The following BCAS3 variants were observed in gnomAD, a reference collection of about 807,000 sequenced individuals.
The protein encoded by BCAS3 is BCAS4/BCAS3 fusion.
In BCAS3, 53 loss-of-function variants were observed where a neutral mutation model predicts 116.1. The ratio of observed to expected loss-of-function variants is 0.46; its 90% CI spans 0.37 to 0.57. The LOEUF is 0.57. Among genes scored for constraint, BCAS3 ranks in the 20% least tolerant of loss-of-function variants. The pLI, the probability that BCAS3 is intolerant of heterozygous loss-of-function variation, is 0.00. For missense variants in BCAS3, 917 were observed against 1,165.4 expected (o/e 0.79, Z 3.10); for synonymous variants, 391 against 408.2 (o/e 0.96, Z 0.51).
chr17:61,368,436 G>T lies in BCAS3; in HGVS notation c.2535G>T (p.Glu845Asp), dbSNP rs376089700. Residue 845 changes from glutamate to aspartate, a missense_variant, in exon 23 of 24, where the codon GAG becomes GAT. By Grantham distance (45) the Glu-to-Asp change is conservative. Around this residue, in one of 3 missense-constraint regions of BCAS3, gnomAD observed 109 missense variants for 122.8 expected, o/e 0.89. Coordinates refer to ENST00000407086, the MANE Select transcript of BCAS3 (RefSeq NM_017679.5). The surrounding 1 kb of genome is among the most constrained non-coding windows in gnomAD (Gnocchi z 6.0). Reference protein sequence around the residue: ...SMEHTEEGLRERLADAMAESP... With the variant: ...SMEHTEEGLRDRLADAMAESP... ...AGCACACGGAGGAGGGCCTCCGGGAGCGACTTGCCGACGCCATGGCCGAGT... is the reference window on the plus strand; with the variant it reads ...AGCACACGGAGGAGGGCCTCCGGGATCGACTTGCCGACGCCATGGCCGAGT... 2.5e-6 allele frequency: 4 copies of T among 1,612,412 alleles called. No individual in the cohort carries two copies. The highest frequency in any genetic ancestry group is 2.7e-5 in the African/African-American group (2 of 74,920).
At chr17:61,287,841 A>G (rs1271434567) in intron 22 of BCAS3, among the ~76,000 whole-genome samples, 1 of 152,260 alleles carries the variant, frequency 6.6e-6, no homozygotes, top group Admixed American at 6.5e-5. Flanking sequence ...TTTGTTCAGT[A>G]CATACTATGT....
At chr17:61,010,968 C>T (rs1333416238) in intron 15 of BCAS3, among the ~76,000 whole-genome samples, 1 of 151,906 alleles carries the variant, frequency 6.6e-6, no homozygotes, top group Non-Finnish European at 1.5e-5. Context: ...CTGCTTGTGC[C>T]AGAAATACTG....
chr17:61,320,480 G>A (rs1207040566), intron 22 of BCAS3, among the ~76,000 whole-genome samples: 1 of 152,006 alleles, frequency 6.6e-6, no homozygotes, highest in Non-Finnish European at 1.5e-5. Context: ...AGGAGATCGA[G>A]ACCATCCTAG....
At position 61,315,129 on chromosome 17, in the gene BCAS3, T is replaced by C. The variant is rs535658834; in HGVS notation, c.2426-53198T>C. 6.6e-6 allele frequency among the ~76,000 whole-genome samples: 1 copy of C among 152,242 alleles called. No homozygotes were observed. Among genetic ancestry groups the C allele is most frequent in the South Asian group, 2.1e-4 (1 of 4,824 alleles). ...TACACTCCCTTTTCTTTTTCTTTTT[T>C]TCGCGAGACAGATTCTCGCTCTGTC... On this transcript the variant is annotated intron_variant, in intron 22 of 23. Coordinates refer to ENST00000407086, the MANE Select transcript of BCAS3 (RefSeq NM_017679.5). This position sits in a 1 kb window ranked among gnomAD's most constrained non-coding sequence, Gnocchi z 5.3.
chr17:60,963,845 A>G (rs2061531915), intron 14 of BCAS3, among the ~76,000 whole-genome samples: 1 of 152,136 alleles, frequency 6.6e-6, no homozygotes, highest in Non-Finnish European at 1.5e-5. Flanking sequence ...GTGAGCCACC[A>G]CACCCGGCCA....
At chr17:60,845,470 A>G (rs893262484) in intron 7 of BCAS3, among the ~76,000 whole-genome samples, 1 of 152,196 alleles carries the variant, frequency 6.6e-6, no homozygotes, top group East Asian at 1.9e-4. Context: ...ATAAATTCCC[A>G]TTGCTTATGA....
At chr17:61,000,793 T>C (rs1261217774) in intron 15 of BCAS3, among the ~76,000 whole-genome samples, 1 of 152,298 alleles carries the variant, frequency 6.6e-6, no homozygotes, top group East Asian at 1.9e-4. Flanking sequence ...GTTGCTACAT[T>C]GCTACACCAA....
intron 22 of BCAS3, among the ~76,000 whole-genome samples, chr17:61,114,272 C>T (rs1030160782): frequency 1.4e-5 from 2 of 144,512 alleles, no homozygotes; most frequent in African/African-American, 5.1e-5. Context: ...TAAAGGGTAT[C>T]CAATTAGGAA....
chr17:61,021,330 G>A lies in BCAS3; in HGVS notation c.1637+5429G>A, dbSNP rs559734896. ...CTGCCTTAGCCTCCCAAAGTGCTGG[G>A]ATTATAGGCATGAGCAACCGCACCC... On this transcript the variant is annotated intron_variant, in intron 16 of 23. Coordinates refer to ENST00000407086, the MANE Select transcript of BCAS3 (RefSeq NM_017679.5). The surrounding 1 kb of genome is among the most constrained non-coding windows in gnomAD (Gnocchi z 4.6). Among the ~76,000 whole-genome samples, 1 of 152,214 alleles carries A rather than the reference G, an allele frequency of 6.6e-6. No individual in the cohort carries two copies. Among genetic ancestry groups the A allele is most frequent in the African/African-American group, 2.4e-5 (1 of 41,516 alleles).
Position 61,087,596 on chromosome 17 carries a change from G to T in BCAS3, c.2425+3032G>T, listed in dbSNP as rs2069551881. On this transcript the variant is annotated intron_variant, in intron 22 of 23. Transcript: ENST00000407086. This position sits in a 1 kb window ranked among gnomAD's most constrained non-coding sequence, Gnocchi z 4.6. ...TGAAACTAAAAGAGGTGTGCAGAGT[G>T]TGCCACTTTTACCATGTAATGGTTT... The T allele has an allele frequency of 6.6e-6, 1 of 152,196 alleles. No individual in the cohort carries two copies. Among genetic ancestry groups the T allele is most frequent in the African/African-American group, 2.4e-5 (1 of 41,432 alleles). 9.4% of individuals were successfully genotyped at this position (152,196 alleles called of 1,614,324 possible). A position where few individuals can be genotyped will look rare whatever the true frequency, so the allele number is the denominator to read the frequency against.
chr17:60,901,872 T>C (rs1410188621), intron 10 of BCAS3, among the ~76,000 whole-genome samples: 1 of 152,228 alleles, frequency 6.6e-6, no homozygotes, highest in Non-Finnish European at 1.5e-5. Context: ...TTAAAAATGT[T>C]AAACATACAA....
chr17:60,854,482 C>T (rs2053481096), intron 7 of BCAS3, among the ~76,000 whole-genome samples: 1 of 152,250 alleles, frequency 6.6e-6, no homozygotes, highest in East Asian at 1.9e-4. Context: ...ACACTGTCTT[C>T]CACAGTGGTT....
At chr17:61,264,775 C>A (rs2049531234) in intron 22 of BCAS3, among the ~76,000 whole-genome samples, 1 of 152,148 alleles carries the variant, frequency 6.6e-6, no homozygotes, top group Non-Finnish European at 1.5e-5. Context: ...TATGAATAAT[C>A]TGATATTGAG....
chr17:61,298,820 T>G (rs201118198), intron 22 of BCAS3, among the ~76,000 whole-genome samples: 1 of 97,554 alleles, frequency 1.0e-5, no homozygotes. Flanking sequence ...ATTTATTTAT[T>G]TATTATTATT....
intron 7 of BCAS3, among the ~76,000 whole-genome samples, chr17:60,835,764 G>A (rs974123843): frequency 6.6e-5 from 10 of 151,976 alleles, no homozygotes; most frequent in Non-Finnish European, 1.0e-4. Context: ...ACAATGGGTG[G>A]TATTTATCAA....
rs2058673254 is a variant in BCAS3, at chr17:61,365,398, A to G, written c.2426-2929A>G. 6.6e-6 allele frequency among the ~76,000 whole-genome samples: 1 copy of G among 152,138 alleles called. No homozygotes were observed. Among genetic ancestry groups the G allele is most frequent in the Admixed American group, 6.5e-5 (1 of 15,274 alleles). ...ACCCAGGCTGGAGTGCAGTGGCTCAATCTCGGCTCACTGCAACCTCTGCCT... is the reference window on the plus strand; with the variant it reads ...ACCCAGGCTGGAGTGCAGTGGCTCAGTCTCGGCTCACTGCAACCTCTGCCT... On this transcript the variant is annotated intron_variant, in intron 22 of 23. Coordinates refer to ENST00000407086, the MANE Select transcript of BCAS3 (RefSeq NM_017679.5). This position sits in a 1 kb window ranked among gnomAD's most constrained non-coding sequence, Gnocchi z 4.6.
At chr17:60,965,668 TA>T (rs1291465101) in intron 14 of BCAS3, among the ~76,000 whole-genome samples, 1 of 152,228 alleles carries the variant, frequency 6.6e-6, no homozygotes, top group African/African-American at 2.4e-5. Context: ...CAGTTCTTCT[TA>T]TTAAGTTCTA....
rs974611891 is a variant in BCAS3 at position 61,073,926 on chromosome 17, T to A, written c.2030-994T>A. Among the ~76,000 whole-genome samples the A allele has an allele frequency of 6.6e-6, 1 of 151,968 alleles. No individual in the cohort carries two copies. The highest frequency in any genetic ancestry group is 2.4e-5 in the African/African-American group (1 of 41,366). The stretch of plus-strand genomic sequence containing the variant: ...GAGTTTGACACCAGCCTGGTCAACA[T>A]TGTGAGATCCTGTCTCTACAAGGAA... On this transcript the variant is annotated intron_variant, in intron 19 of 23. Transcript: ENST00000407086. The surrounding 1 kb of genome is among the most constrained non-coding windows in gnomAD (Gnocchi z 4.6).
chr17:60,837,882 C>T (rs2051512243), intron 7 of BCAS3, among the ~76,000 whole-genome samples: 3 of 152,104 alleles, frequency 2.0e-5, no homozygotes, highest in Non-Finnish European at 1.5e-5. Flanking sequence ...AAACTCCTGA[C>T]CTCAGGTGAT....
Sources: gnomAD v4.1 joint callset for allele counts (sites outside exome capture counted in the v4.1 genomes callset) on GRCh38, gnomAD v4.1.1 for gene constraint, gnomAD v4.1.1 regional missense constraint, Gnocchi (gnomAD v3.1) non-coding constraint, MANE v1.5 for transcripts, NCBI Gene and HGNC (gene_info 2026-07-23, HGNC 2026-07-21) for gene names.